PLCB1: variants seen among roughly 807,000 people sequenced by gnomAD.
The protein encoded by PLCB1 is 1-phosphatidylinositol 4,5-bisphosphate phosphodiesterase beta-1.
Under a neutral mutation model 161.8 loss-of-function variants are expected in PLCB1, and 46 were observed. The ratio of observed to expected loss-of-function variants is 0.28; its 90% confidence interval spans 0.22 to 0.36. The LOEUF (loss-of-function observed/expected upper bound fraction) is 0.36, where lower values mean the gene tolerates loss of function less well. Among genes scored for constraint, PLCB1 ranks in the 10% least tolerant of loss-of-function variants. The probability of loss-of-function intolerance (pLI) is 1.00; values close to 1 mark genes in which losing one functional copy is unlikely to be tolerated. For synonymous variants in PLCB1, 517 were observed against 503.7 expected (o/e 1.03, Z -0.35); for missense variants, 1,016 against 1,472.5 (o/e 0.69, Z 5.07).
rs1437498302 is a variant in PLCB1, at chr20:8,760,095, A to G, written c.2657-312A>G. Among the ~76,000 whole-genome samples the G allele has an allele frequency of 4.0e-5, 6 of 151,762 alleles. No homozygotes were observed. The East Asian group carries it at 1.2e-3, about 29-fold the overall frequency. ...TAATTTTTGTATTTTTAGTAGAGAC[A>G]GGGTTTCACCATATTGCCAGGCTGG... On this transcript the variant is annotated intron_variant, in intron 24 of 31. Coordinates refer to ENST00000338037, the MANE Select transcript of PLCB1 (RefSeq NM_015192.4).
chr20:8,781,043 A>G (rs1983193810), intron 27 of PLCB1, among the ~76,000 whole-genome samples: 1 of 151,666 alleles, frequency 6.6e-6, no homozygotes, highest in Non-Finnish European at 1.5e-5. Context: ...CTCTCCTTGA[A>G]TGATTTCTAC....
intron 2 of PLCB1, among the ~76,000 whole-genome samples, chr20:8,236,535 A>C (rs1332960019): frequency 1.3e-5 from 2 of 152,002 alleles, no homozygotes; most frequent in Non-Finnish European, 2.9e-5. Flanking sequence ...CCCATCTCAA[A>C]ATATTAATTA....
chr20:8,783,987 G>A (rs1983361147), intron 27 of PLCB1, among the ~76,000 whole-genome samples: 1 of 152,178 alleles, frequency 6.6e-6, no homozygotes, highest in African/African-American at 2.4e-5. Context: ...TTCTCAGAAA[G>A]CAGAGGAAGT....
intron 1 of PLCB1, among the ~76,000 whole-genome samples, chr20:8,144,317 CT>C (rs2051432580): frequency 6.6e-6 from 1 of 152,160 alleles, no homozygotes; most frequent in Admixed American, 6.5e-5. Flanking sequence ...GGGATCTGGG[CT>C]TTAATTTGGT....
chr20:8,232,672 A>G (rs1980116978), intron 2 of PLCB1, among the ~76,000 whole-genome samples: 1 of 152,110 alleles, frequency 6.6e-6, no homozygotes, highest in Non-Finnish European at 1.5e-5. Flanking sequence ...GCCTTATAGT[A>G]TTTGTGCTTC....
chr20:8,288,733 C>T (rs571668233), intron 2 of PLCB1, among the ~76,000 whole-genome samples: 3 of 152,242 alleles, frequency 2.0e-5, no homozygotes, highest in Admixed American at 6.5e-5. Context: ...GCAATGGCCC[C>T]GTGAAGGGAA....
At chr20:8,772,406 T>A (rs1982734256) in intron 26 of PLCB1, among the ~76,000 whole-genome samples, 1 of 152,226 alleles carries the variant, frequency 6.6e-6, no homozygotes, top group African/African-American at 2.4e-5. Flanking sequence ...CCTGTAATTT[T>A]TGACCTTGGG....
chr20:8,820,088 G>T (rs185400125), intron 31 of PLCB1, among the ~76,000 whole-genome samples: 1 of 146,530 alleles, frequency 6.8e-6, no homozygotes, highest in African/African-American at 2.5e-5. Context: ...GTTATAATTT[G>T]TATTATGTTT....
At chr20:8,629,951 T>TTTTCTTTC (rs746544761) in intron 4 of PLCB1, among the ~76,000 whole-genome samples, 3 of 131,860 alleles carry the variant, frequency 2.3e-5, no homozygotes, top group African/African-American at 1.0e-4. Flanking sequence ...TCTCTCTTTC[T>TTTTCTTTC]TTTCTTTCTT....
chr20:8,211,114 A>C (rs573488910), intron 2 of PLCB1, among the ~76,000 whole-genome samples: 1 of 152,170 alleles, frequency 6.6e-6, no homozygotes, highest in Non-Finnish European at 1.5e-5. Flanking sequence ...TTATATGCTT[A>C]TGGTGCCTTG....
intron 2 of PLCB1, among the ~76,000 whole-genome samples, chr20:8,286,104 C>T (rs1983108223): frequency 6.6e-6 from 1 of 152,224 alleles, no homozygotes; most frequent in South Asian, 2.1e-4. Flanking sequence ...GCAGGCAGAT[C>T]ACCTGAGGTC....
At chr20:8,775,089 T>C (rs865976146) in intron 27 of PLCB1, among the ~76,000 whole-genome samples, 1,806 of 149,882 alleles carry the variant, frequency 0.012, 45 homozygotes, top group African/African-American at 0.042. Context: ...TTTTTTTTTT[T>C]TTTTTTTGGT....
In PLCB1 at chr20:8,381,403, T is replaced by G. The variant is rs570291725; in HGVS notation, c.246+9953T>G. Among the ~76,000 whole-genome samples, 168 of 152,296 alleles carry G rather than the reference T, an allele frequency of 1.1e-3. 1 individual carries two copies. The highest frequency in any genetic ancestry group is 3.1e-4 in the Non-Finnish European group (21 of 68,032). Reference sequence around the variant, plus strand: ...TCAGGGATATTGGCCTGAAGTTTTTTTTGTTGTTGTTGTGTCTCTGCCAGG... The same window carrying G: ...TCAGGGATATTGGCCTGAAGTTTTTGTTGTTGTTGTTGTGTCTCTGCCAGG... On this transcript the variant is annotated intron_variant, in intron 3 of 31. Coordinates refer to ENST00000338037, the MANE Select transcript of PLCB1 (RefSeq NM_015192.4).
intron 31 of PLCB1, among the ~76,000 whole-genome samples, chr20:8,814,577 A>ATGTGTGTGTGTGTGTGTG (rs10670728): frequency 6.9e-6 from 1 of 145,200 alleles, no homozygotes; most frequent in South Asian, 2.2e-4. Context: ...ATGTACTTGC[A>ATGTGTGTGTGTGTGTGTG]TGTGTGTGTG....
intron 2 of PLCB1, among the ~76,000 whole-genome samples, chr20:8,355,693 C>T (rs892825022): frequency 6.6e-6 from 1 of 152,068 alleles, no homozygotes; most frequent in Non-Finnish European, 1.5e-5. Context: ...AAGCTCTGTG[C>T]GAGCCCAGTA....
chr20:8,513,935 G>T (rs1983998839), intron 3 of PLCB1, among the ~76,000 whole-genome samples: 1 of 151,900 alleles, frequency 6.6e-6, no homozygotes, highest in Admixed American at 6.6e-5. Context: ...GCTAAGGTGG[G>T]AAGATGGCTT....
At chr20:8,408,979 A>C (rs1024651614) in intron 3 of PLCB1, among the ~76,000 whole-genome samples, 2 of 152,238 alleles carry the variant, frequency 1.3e-5, no homozygotes, top group African/African-American at 4.8e-5. Context: ...TATCAAATAA[A>C]TTTAATTTTC....
Position 8,717,700 on chromosome 20 carries a change from T to C in PLCB1, c.1365T>C (p.Pro455=), listed in dbSNP as rs1979399173. 3.7e-6 allele frequency: 6 copies of C among 1,612,540 alleles called. No individual in the cohort carries two copies. Among genetic ancestry groups the C allele is most frequent in the Non-Finnish European group, 5.1e-6 (6 of 1,179,380 alleles). The stretch of plus-strand genomic sequence containing the variant: ...AATCTGGAGTTCCTCTTCCAAGCCC[T>C]ATGGATTTAATGTATAAAATTTTGG... The part of the protein sequence containing the change: ...PLESGVPLPS[P]MDLMYKILVK... The change falls in exon 14 of 32, where the codon CCT becomes CCC. Residue 455 remains proline, a synonymous_variant. Transcript: ENST00000338037.
chr20:8,306,324 T>C (rs995630273), intron 2 of PLCB1: 3 of 152,186 alleles, frequency 2.0e-5, no homozygotes, highest in Admixed American at 2.0e-4. Flanking sequence ...GACTGAGAGG[T>C]TCCAGTTGGA....
Sources: allele counts gnomAD v4.1 joint callset (sites outside exome capture counted in the v4.1 genomes callset), GRCh38; gene constraint gnomAD v4.1.1; transcripts MANE v1.5; gene names NCBI Gene and HGNC (gene_info 2026-07-23, HGNC 2026-07-21).